Variants in OAS1 observed in about 807,000 individuals in gnomAD.
OAS1 encodes 2'-5'-oligoadenylate synthetase 1.
Under a neutral mutation model 38.5 loss-of-function variants are expected in OAS1, and 24 were observed. That is an observed-to-expected ratio of 0.62 (90% CI 0.45 to 0.88). OAS1 has a LOEUF of 0.88. OAS1 is among the 40% of genes least tolerant of loss of function. The pLI is 0.00. For missense variants in OAS1, 482 were observed against 493.9 expected, an observed-to-expected ratio of 0.98 and a Z score of 0.23; for synonymous variants, 169 against 193.9, an observed-to-expected ratio of 0.87 and a Z score of 1.07.
rs768389086 is a variant in OAS1, at chr12:112,919,518, C to T, written c.1168C>T (p.Gln390Ter). 15 of 1,614,138 alleles carry T rather than the reference C, an allele frequency of 9.3e-6. No homozygotes were observed. The South Asian group carries it at 1.6e-4, about 18-fold the overall frequency. ...CACACTCCAGGCAGCATCCACCCCA[C>T]AGGCAGAAGAGGACTGGACCTGCAC... ...PSTLQAASTPQAEEDWTCTIL is the reference protein window; with the variant it reads ...PSTLQAASTP Residue 390 changes from glutamine (Q) to a stop codon, truncating the protein, a stop_gained, in exon 6 of 6, where the codon CAG becomes TAG. Transcript: ENST00000202917. LOFTEE classifies it high-confidence loss of function.
chr12:112,921,983 A>C (rs2043532449), downstream of OAS1, among the ~76,000 whole-genome samples: 1 of 152,160 alleles, frequency 6.6e-6, no homozygotes, highest in South Asian at 2.1e-4. Flanking sequence ...CCATAGACAC[A>C]GTGGGCAAAT....
rs1240360823 is a variant in OAS1 at position 112,906,976 on chromosome 12, CA to C, written c.-63del. The C allele has an allele frequency of 6.4e-7, 1 of 1,561,102 alleles. No homozygotes were observed. Among genetic ancestry groups the C allele is most frequent in the African/African-American group, 1.4e-5 (1 of 73,888 alleles). ...AAACCAACAGCAGTCCAAGCTCAGT[CA>C]GCAGAAGAGATAAAAGCAAACAGGT... On this transcript the variant is annotated 5_prime_UTR_variant, in exon 1 of 6. Transcript: ENST00000202917.
At chr12:112,917,525 C>G (rs760565781) in intron 4 of OAS1, 22 bp from the exon 5 acceptor site, 1 of 1,613,506 alleles carries the variant, frequency 6.2e-7, no homozygotes, top group Non-Finnish European at 8.5e-7. Flanking sequence ...TCACCTGTCC[C>G]TCTCTAAATG....
chr12:112,925,374 C>T (rs1015967080), intron 6 of OAS1, among the ~76,000 whole-genome samples: 2 of 152,186 alleles, frequency 1.3e-5, no homozygotes, highest in Non-Finnish European at 2.9e-5. Flanking sequence ...CAGCCAACCG[C>T]AGGCCAGTAT....
chr12:112,915,439 CT>C (rs1381998890), intron 3 of OAS1, among the ~76,000 whole-genome samples: 2 of 152,128 alleles, frequency 1.3e-5, no homozygotes, highest in African/African-American at 4.8e-5. Flanking sequence ...AAGTGTTTGG[CT>C]TTATTTCTGG....
At chr12:112,918,034 A>C (rs965881764) in intron 5 of OAS1, 5 of 882,412 alleles carry the variant, frequency 5.7e-6, no homozygotes, top group Admixed American at 8.3e-5. Context: ...CAATCCCATG[A>C]GGCATTTTTA....
chr12:112,925,445 T>C (rs1196271975), intron 6 of OAS1, among the ~76,000 whole-genome samples: 4 of 152,200 alleles, frequency 2.6e-5, no homozygotes, highest in African/African-American at 9.7e-5. Context: ...TCACACTGCC[T>C]GGGCTCAAAT....
chr12:112,922,612 A>C (rs537982710), downstream of OAS1, among the ~76,000 whole-genome samples: 101 of 152,284 alleles, frequency 6.6e-4, no homozygotes, highest in South Asian at 5.8e-3. Context: ...GGCCACCACC[A>C]GAACACCTCA....
At position 112,908,521 on chromosome 12, in the gene OAS1, T is replaced by C; in HGVS notation, c.181-15T>C. The C allele has an allele frequency of 2.5e-6, 4 of 1,596,758 alleles. No individual in the cohort carries two copies. The highest frequency in any genetic ancestry group is 2.6e-6 in the Non-Finnish European group (3 of 1,172,304). On this transcript the variant is annotated splice_polypyrimidine_tract_variant and intron_variant, in intron 1 of 5. Coordinates refer to ENST00000202917, the MANE Select transcript of OAS1 (RefSeq NM_016816.4). The stretch of plus-strand genomic sequence containing the variant: ...CTCACTAAGCATCAATTATTATTTT[T>C]GTCGTCTTTTTCAGGGTGGCTCCTC...
Position 112,916,518 on chromosome 12 carries a change from A to C in OAS1, c.664A>C (p.Lys222Gln), listed in dbSNP as rs373706633. 5.6e-6 allele frequency: 9 copies of C among 1,613,888 alleles called. No individual in the cohort carries two copies. The South Asian group carries it at 6.6e-5, about 12-fold the overall frequency. ...TTTTTCCTCTTCTCAGTGTAAGAAG[A>C]AGCTTGGGAAGCTGCCACCTCAGTA... ...VKHWYQNCKK[K>Q]LGKLPPQYAL... The change falls in exon 4 of 6, where the codon AAG becomes CAG. Residue 222 changes from lysine to glutamine, a missense_variant. Physicochemically the swap from Lys to Gln is moderately conservative, Grantham distance 53 (BLOSUM62 1). Transcript: ENST00000202917.
rs762124373 is a variant in OAS1 at position 112,919,379 on chromosome 12, A to T, written c.1039-10A>T. On this transcript the variant is annotated splice_polypyrimidine_tract_variant and intron_variant, in intron 5 of 5. Transcript: ENST00000202917. Reference sequence around the variant, plus strand: ...ACTCCCTGATGTGATCATGTGTCTCACCCTTTCAGGCTGAAAGCAACAGTG... The same window carrying T: ...ACTCCCTGATGTGATCATGTGTCTCTCCCTTTCAGGCTGAAAGCAACAGTG... 1 of 1,607,732 alleles carries T rather than the reference A, an allele frequency of 6.2e-7. No individual in the cohort carries two copies. Among genetic ancestry groups the T allele is most frequent in the East Asian group, 2.2e-5 (1 of 44,818 alleles).
At chr12:112,907,990 A>G in intron 1 of OAS1, among the ~76,000 whole-genome samples, 1 of 152,178 alleles carries the variant, frequency 6.6e-6, no homozygotes, top group East Asian at 1.9e-4. Context: ...AGCTGTGGGT[A>G]TATCTCTAGG....
At chr12:112,931,841 A>C (rs900157472) in intron 6 of OAS1, 1 of 689,092 alleles carries the variant, frequency 1.5e-6, no homozygotes, top group Non-Finnish European at 2.6e-6. Context: ...AGGCTCCTCA[A>C]TATGAGAGTG....
intron 2 of OAS1, among the ~76,000 whole-genome samples, chr12:112,909,587 G>A (rs983899030): frequency 1.3e-5 from 2 of 152,184 alleles, no homozygotes; most frequent in Non-Finnish European, 2.9e-5. Flanking sequence ...CATGAGGCCA[G>A]CCAAGGATTC....
intron 5 of OAS1, 121 bp downstream of exon 5, chr12:112,917,821 A>G: frequency 6.2e-7 from 1 of 1,605,974 alleles, no homozygotes; most frequent in Non-Finnish European, 8.5e-7. Context: ...ATTTATATTC[A>G]TATAGTGACA....
At chr12:112,930,671 C>A (rs1362990033) in intron 6 of OAS1, among the ~76,000 whole-genome samples, 1 of 152,234 alleles carries the variant, frequency 6.6e-6, no homozygotes, top group Non-Finnish European at 1.5e-5. Flanking sequence ...CAATCTGCAC[C>A]CCACCCCAGT....
At chr12:112,909,991 A>C (rs1039885744) in intron 2 of OAS1, among the ~76,000 whole-genome samples, 2 of 152,172 alleles carry the variant, frequency 1.3e-5, no homozygotes, top group African/African-American at 4.8e-5. Context: ...CTCTCCAAAG[A>C]CACCAGGGTA....
chr12:112,924,531 T>G (rs182748343), downstream of OAS1, among the ~76,000 whole-genome samples: 1 of 152,150 alleles, frequency 6.6e-6, no homozygotes, highest in Admixed American at 6.5e-5. Context: ...TTTTCATTAA[T>G]TTTTGTCCTC....
chr12:112,921,778 T>C (rs1257876485), downstream of OAS1, among the ~76,000 whole-genome samples: 2 of 152,206 alleles, frequency 1.3e-5, no homozygotes, highest in Non-Finnish European at 1.5e-5. Context: ...TGTACTTCCC[T>C]GGCTCTGAGA....
Sources: gnomAD v4.1 joint callset for allele counts (sites outside exome capture counted in the v4.1 genomes callset) on GRCh38, gnomAD v4.1.1 for gene constraint, MANE v1.5 for transcripts, NCBI Gene and HGNC (gene_info 2026-07-23, HGNC 2026-07-21) for gene names.